PINX1: variants seen among roughly 807,000 people sequenced by gnomAD.
The protein encoded by PINX1 is PIN2/TERF1-interacting telomerase inhibitor 1.
A neutral mutation model predicts 25.4 loss-of-function variants in PINX1; 34 were observed. The observed-to-expected ratio is 1.34, with a 90% CI of 1.02 to 1.78. The LOEUF is 1.78. Among genes scored for constraint, PINX1 ranks in the 40% most tolerant of loss-of-function variants. The probability of loss-of-function intolerance (pLI) is 0.00; values close to 1 mark genes in which losing one functional copy is unlikely to be tolerated. For missense variants in PINX1, 592 were observed against 404.9 expected (o/e 1.46, Z -3.97); for synonymous variants, 197 against 147.7 (o/e 1.33, Z -2.42).
At chr8:10,801,944 TGGA>T (rs1454263387) in intron 6 of PINX1, among the ~76,000 whole-genome samples, 1 of 152,048 alleles carries the variant, frequency 6.6e-6, no homozygotes, top group Admixed American at 6.6e-5. Context: ...CAAGCACCAC[TGGA>T]ATGCAGCAAT....
chr8:10,816,010 C>A (rs1369918054), intron 6 of PINX1, among the ~76,000 whole-genome samples: 1 of 152,176 alleles, frequency 6.6e-6, no homozygotes, highest in East Asian at 1.9e-4. Context: ...ACACGATATT[C>A]CACTCCTAAT....
intron 5 of PINX1, 84 bp downstream of exon 5, chr8:10,826,068 T>C: frequency 1.4e-6 from 1 of 703,332 alleles, no homozygotes; most frequent in Non-Finnish European, 2.5e-6. Flanking sequence ...ATGAAGTCGC[T>C]ATTGGCCCAG....
chr8:10,821,804 C>G (rs1056468446), intron 5 of PINX1: 6 of 152,162 alleles, frequency 3.9e-5, no homozygotes, highest in African/African-American at 1.4e-4. Context: ...AATAGAGACA[C>G]TCTAGAAAAT....
chr8:10,773,403 T>A (rs775735500), intron 6 of PINX1, among the ~76,000 whole-genome samples: 1 of 152,110 alleles, frequency 6.6e-6, no homozygotes, highest in African/African-American at 2.4e-5. Flanking sequence ...AAAGAAAAAA[T>A]TTGTTTAAAA....
At chr8:10,773,892 T>C (rs1344519902) in intron 6 of PINX1, among the ~76,000 whole-genome samples, 1 of 152,208 alleles carries the variant, frequency 6.6e-6, no homozygotes, top group Non-Finnish European at 1.5e-5. Context: ...AGTGACAAAC[T>C]TTCCCGACAC....
chr8:10,766,019 C>A (rs1047498246), intron 6 of PINX1, 103 bp from the exon 7 acceptor site: 5 of 1,144,726 alleles, frequency 4.4e-6, no homozygotes, highest in South Asian at 4.4e-5. Flanking sequence ...GGCACCCACA[C>A]CCGGCGCTCA....
At chr8:10,839,148 T>C (rs917492326) in intron 1 of PINX1, among the ~76,000 whole-genome samples, 1 of 152,140 alleles carries the variant, frequency 6.6e-6, no homozygotes, top group East Asian at 1.9e-4. Context: ...CAAGTGAAGA[T>C]AAATGTCAAA....
At chr8:10,771,318 A>G (rs928566858) in intron 6 of PINX1, 3 of 152,194 alleles carry the variant, frequency 2.0e-5, no homozygotes, top group African/African-American at 7.2e-5. Context: ...GTCACTCCCT[A>G]TGCTGGCCTA....
chr8:10,800,129 A>AT (rs1018323865), intron 6 of PINX1, among the ~76,000 whole-genome samples: 1 of 152,128 alleles, frequency 6.6e-6, no homozygotes, highest in East Asian at 1.9e-4. Context: ...TGGAAATAAC[A>AT]TTTTTTCTAT....
chr8:10,825,701 G>C (rs1328613856), intron 5 of PINX1, among the ~76,000 whole-genome samples: 3 of 152,182 alleles, frequency 2.0e-5, no homozygotes, highest in Non-Finnish European at 4.4e-5. Context: ...GTCAACCAGG[G>C]AGTGTGCTTT....
intron 6 of PINX1, among the ~76,000 whole-genome samples, chr8:10,776,923 G>A (rs188635475): frequency 5.5e-4 from 84 of 152,318 alleles, no homozygotes; most frequent in African/African-American, 1.9e-3. Context: ...GGGGAGGAAT[G>A]TTATTTCTGC....
chr8:10,821,022 C>T (rs183355581), intron 5 of PINX1, among the ~76,000 whole-genome samples: 1 of 152,360 alleles, frequency 6.6e-6, no homozygotes, highest in Non-Finnish European at 1.5e-5. Flanking sequence ...TCCACTTCTA[C>T]CCAATAATCC....
At chr8:10,778,042 C>T (rs544508769) in intron 6 of PINX1, among the ~76,000 whole-genome samples, 6 of 152,128 alleles carry the variant, frequency 3.9e-5, no homozygotes, top group Admixed American at 1.3e-4. Context: ...CGAATGGCAT[C>T]GATGAGCTGC....
chr8:10,786,460 A>C (rs949669044), intron 6 of PINX1, among the ~76,000 whole-genome samples: 2 of 152,180 alleles, frequency 1.3e-5, no homozygotes, highest in Non-Finnish European at 2.9e-5. Flanking sequence ...AGACAGTGTG[A>C]GCAGAACTAT....
chr8:10,787,910 A>T, intron 6 of PINX1: 1 of 410,498 alleles, frequency 2.4e-6, no homozygotes, highest in Non-Finnish European at 4.8e-6. Context: ...TAATATACAG[A>T]CCTTGTTAGA....
intron 6 of PINX1, among the ~76,000 whole-genome samples, chr8:10,778,614 C>G (rs1427580624): frequency 6.6e-6 from 1 of 152,146 alleles, no homozygotes; most frequent in Non-Finnish European, 1.5e-5. Flanking sequence ...GCTATTCCTC[C>G]CTTTGATTCA....
At chr8:10,787,931 T>C (rs775361950) in intron 6 of PINX1, 8 of 385,170 alleles carry the variant, frequency 2.1e-5, no homozygotes, top group Admixed American at 3.3e-5. Context: ...TTCAAATACA[T>C]ATTCAAAGTA....
At chr8:10,823,290 A>C (rs1797932347) in intron 5 of PINX1, among the ~76,000 whole-genome samples, 1 of 91,208 alleles carries the variant, frequency 1.1e-5, no homozygotes, top group African/African-American at 5.5e-5. Context: ...AATAGCCCAA[A>C]CTCTCAAAAG....
intron 6 of PINX1, among the ~76,000 whole-genome samples, chr8:10,803,054 A>G (rs1802319804): frequency 6.6e-6 from 1 of 152,232 alleles, no homozygotes; most frequent in Non-Finnish European, 1.5e-5. Flanking sequence ...CTAAATAAAT[A>G]TTAAAGAACA....
Sources: allele counts gnomAD v4.1 joint callset (sites outside exome capture counted in the v4.1 genomes callset), GRCh38; gene constraint gnomAD v4.1.1; transcripts MANE v1.5; gene names NCBI Gene and HGNC (gene_info 2026-07-23, HGNC 2026-07-21).